The following AHCY variants were observed in gnomAD, a reference collection of about 807,000 sequenced individuals.
AHCY encodes the protein S-adenosyl-L-homocysteine hydrolase.
Under a neutral mutation model 45.4 loss-of-function variants are expected in AHCY, and 24 were observed. The ratio of observed to expected loss-of-function variants is 0.53; its 90% confidence interval spans 0.38 to 0.74. The LOEUF is 0.74. AHCY is among the 30% of genes least tolerant of loss of function. AHCY has a pLI of 0.00. For synonymous variants in AHCY, 245 were observed against 235.1 expected (o/e 1.04, Z -0.39); for missense variants, 449 against 594.1 (o/e 0.76, Z 2.54).
the AHCY span, among the ~76,000 whole-genome samples, chr20:34,269,922 C>A: frequency 8.9e-6 from 1 of 112,422 alleles, no homozygotes; most frequent in Non-Finnish European, 1.7e-5. Flanking sequence ...CCAGCCTGGG[C>A]AACAAGAGCG....
rs2036394720 is a variant in AHCY, at chr20:34,291,522, C to T, written c.455G>A (p.Gly152Asp). The T allele has an allele frequency of 6.2e-7, 1 of 1,613,924 alleles. No individual in the cohort carries two copies. The highest frequency in any genetic ancestry group is 1.7e-5 in the Admixed American group (1 of 60,000). ...CCCAGTCGTGGTCTCCTCAGAGATG[C>T]CTCGGATGCCTAAACAAGAGGGGAC... ...KYPQLLPGIR[G>D]ISEETTTGVH... Residue 152 changes from glycine (G) to aspartate (D), a missense_variant, in exon 5 of 10, where the codon GGC becomes GAC. Coordinates refer to ENST00000217426, the MANE Select transcript of AHCY (RefSeq NM_000687.4).
At chr20:34,265,547 G>C in the AHCY span, among the ~76,000 whole-genome samples, 1 of 152,066 alleles carries the variant, frequency 6.6e-6, no homozygotes, top group Non-Finnish European at 1.5e-5. Context: ...ATTTTTGACT[G>C]TGTGTAAAGA....
chr20:34,241,220 G>A, the AHCY span, among the ~76,000 whole-genome samples: 2 of 152,144 alleles, frequency 1.3e-5, no homozygotes, highest in Non-Finnish European at 2.9e-5. Context: ...GTAAAATAAA[G>A]GATAACCCTT....
chr20:34,255,747 G>T, the AHCY span, among the ~76,000 whole-genome samples: 1 of 152,168 alleles, frequency 6.6e-6, no homozygotes. Context: ...CCTCTGTTAC[G>T]CCCGGACAGG....
the AHCY span, among the ~76,000 whole-genome samples, chr20:34,268,758 C>CA: frequency 0.13 from 19,427 of 149,948 alleles, 1,338 homozygotes; most frequent in East Asian, 0.21. Flanking sequence ...AACAAACAAA[C>CA]AAAAAAAACA....
chr20:34,274,827 G>A, the AHCY span, among the ~76,000 whole-genome samples: 40 of 152,096 alleles, frequency 2.6e-4, no homozygotes, highest in Non-Finnish European at 4.7e-4. Context: ...GGTGGCACGC[G>A]CCTGTAGTCT....
Position 34,292,375 on chromosome 20 carries a change from T to A in AHCY, c.428A>T (p.Tyr143Phe). 1 of 1,613,344 alleles carries A rather than the reference T, an allele frequency of 6.2e-7. No individual in the cohort carries two copies. Among genetic ancestry groups the A allele is most frequent in the Non-Finnish European group, 8.5e-7 (1 of 1,180,006 alleles). Residue 143 changes from tyrosine to phenylalanine, a missense_variant, in exon 4 of 10, where the codon TAC becomes TTC. By Grantham distance (22) the Tyr-to-Phe change is conservative. Transcript: ENST00000217426. ...CTGCTCACCTGGCAGAAGCTGCGGG[T>A]ACTTGGTGTGGATGAGGTTGGTGAG... ...GDLTNLIHTKYPQLLPGIRGI... is the reference protein window; with the variant it reads ...GDLTNLIHTKFPQLLPGIRGI...
chr20:34,288,051 C>T (rs746385653), intron 8 of AHCY, among the ~76,000 whole-genome samples: 3 of 152,192 alleles, frequency 2.0e-5, no homozygotes, highest in Admixed American at 6.5e-5. Flanking sequence ...CACAGAAGCA[C>T]GCCCTGGCCA....
chr20:34,236,030 A>G, the AHCY span, among the ~76,000 whole-genome samples: 1 of 141,430 alleles, frequency 7.1e-6, no homozygotes, highest in African/African-American at 2.8e-5. Context: ...GAGAAGAAGA[A>G]AGAGAAAGAA....
upstream of AHCY, among the ~76,000 whole-genome samples, chr20:34,304,134 T>C (rs2036865261): frequency 6.6e-6 from 1 of 152,236 alleles, no homozygotes; most frequent in Non-Finnish European, 1.5e-5. Flanking sequence ...ACTGCATCCG[T>C]ATATCATTAA....
chr20:34,255,588 T>C, the AHCY span, among the ~76,000 whole-genome samples: 1 of 152,218 alleles, frequency 6.6e-6, no homozygotes. Flanking sequence ...TATATGAATA[T>C]CATTAATCAT....
At chr20:34,250,895 G>T in the AHCY span, among the ~76,000 whole-genome samples, 1 of 152,058 alleles carries the variant, frequency 6.6e-6, no homozygotes, top group East Asian at 1.9e-4. Flanking sequence ...CAGTGCTGTC[G>T]CTAAGGGGAT....
chr20:34,235,243 C>T, the AHCY span, among the ~76,000 whole-genome samples: 177 of 152,144 alleles, frequency 1.2e-3, no homozygotes, highest in Non-Finnish European at 2.3e-3. Flanking sequence ...AGTTTGAGAC[C>T]AGCCTGATCA....
chr20:34,311,243 C>T (rs1025198110), intron 1 of AHCY, among the ~76,000 whole-genome samples: 1 of 152,240 alleles, frequency 6.6e-6, no homozygotes, highest in Non-Finnish European at 1.5e-5. Flanking sequence ...GAAAAGAACA[C>T]ACAAACAGGT....
chr20:34,311,021 T>C lies in AHCY; in HGVS notation c.-57+451A>G, dbSNP rs186290173. Reference sequence around the variant, plus strand: ...CACACCTGTAATCCCAGCTACTCAGTAGGCTGAGGCAGGAGAATCGCTTGA... The same window carrying C: ...CACACCTGTAATCCCAGCTACTCAGCAGGCTGAGGCAGGAGAATCGCTTGA... On this transcript the variant is annotated intron_variant, in intron 1 of 9. Transcript: ENST00000538132. 1.9e-3 allele frequency among the ~76,000 whole-genome samples: 292 copies of C among 151,574 alleles called. 1 individual carries two copies. The highest frequency in any genetic ancestry group is 6.8e-3 in the African/African-American group (280 of 41,252).
chr20:34,270,776 G>A, the AHCY span, among the ~76,000 whole-genome samples: 1 of 152,194 alleles, frequency 6.6e-6, no homozygotes, highest in Non-Finnish European at 1.5e-5. Flanking sequence ...TCTCTTGTTA[G>A]AGGTTAGAAC....
intron 8 of AHCY, among the ~76,000 whole-genome samples, chr20:34,287,352 T>A (rs917904703): frequency 2.0e-5 from 3 of 151,352 alleles, no homozygotes; most frequent in African/African-American, 7.3e-5. Context: ...CCAGAGGAGC[T>A]GGCCAGGAAG....
At chr20:34,295,688 T>A in intron 1 of AHCY, 103 bp from the exon 2 acceptor site, 1 of 1,182,724 alleles carries the variant, frequency 8.5e-7, no homozygotes, top group Non-Finnish European at 1.2e-6. Flanking sequence ...CTCAACACAC[T>A]AGGGCTTAGC....
At chr20:34,236,589 G>A in the AHCY span, among the ~76,000 whole-genome samples, 220 of 152,072 alleles carry the variant, frequency 1.4e-3, 1 homozygote, top group African/African-American at 4.9e-3. Flanking sequence ...AGTGGCTCAC[G>A]CCTGTAATCC....
Sources: gnomAD v4.1 joint callset for allele counts (sites outside exome capture counted in the v4.1 genomes callset) on GRCh38, gnomAD v4.1.1 for gene constraint, MANE v1.5 for transcripts, NCBI Gene and HGNC (gene_info 2026-07-23, HGNC 2026-07-21) for gene names.